Variants in CHIC1 observed in about 807,000 individuals in gnomAD.
The protein encoded by CHIC1 is cysteine-rich hydrophobic domain-containing protein 1.
Under a neutral mutation model 18.5 loss-of-function variants are expected in CHIC1, and 7 were observed. That is an observed-to-expected ratio of 0.38 (90% CI 0.22 to 0.71). The LOEUF is 0.71. Among genes scored for constraint, CHIC1 ranks in the 30% least tolerant of loss-of-function variants. CHIC1 has a pLI of 0.49. For synonymous variants in CHIC1, 77 were observed against 73.5 expected (o/e 1.05, Z -0.25); for missense variants, 159 against 176.9 (o/e 0.90, Z 0.57).
intron 3 of CHIC1, among the ~76,000 whole-genome samples, chrX:73,625,275 C>T (rs1479041211): frequency 9.0e-6 from 1 of 111,174 alleles, no homozygotes; most frequent in Non-Finnish European, 1.9e-5. Flanking sequence ...CAAACTTGTC[C>T]CCTGATGGGC....
At chrX:73,652,118 AAAAC>A (rs1468597522) in intron 3 of CHIC1, among the ~76,000 whole-genome samples, 2 of 111,918 alleles carry the variant, frequency 1.8e-5, no homozygotes, top group African/African-American at 6.5e-5. Context: ...GAACCTGACA[AAAAC>A]AAGCAACAGG....
At chrX:73,651,899 G>A (rs1044447634) in intron 3 of CHIC1, among the ~76,000 whole-genome samples, 5 of 111,633 alleles carry the variant, frequency 4.5e-5, no homozygotes, top group South Asian at 3.8e-4. Flanking sequence ...TTTAAAGTTC[G>A]TATGGAACCA....
At chrX:73,585,640 G>T (rs1409955293) in intron 3 of CHIC1, among the ~76,000 whole-genome samples, 1 of 111,322 alleles carries the variant, frequency 9.0e-6, no homozygotes, top group Non-Finnish European at 1.9e-5. Flanking sequence ...GCCTCAGTAT[G>T]AAATAATCAT....
intron 3 of CHIC1, among the ~76,000 whole-genome samples, chrX:73,609,365 G>A (rs2057697614): frequency 9.3e-6 from 1 of 107,979 alleles, no homozygotes; most frequent in Non-Finnish European, 1.9e-5. Context: ...TTATCATGTT[G>A]AGTAAGTTTC....
intron 3 of CHIC1, among the ~76,000 whole-genome samples, chrX:73,595,566 G>T (rs1046505680): frequency 2.7e-5 from 3 of 111,336 alleles, no homozygotes; most frequent in Non-Finnish European, 5.7e-5. Flanking sequence ...TCTTTATCCA[G>T]TCTAATATTG....
intron 3 of CHIC1, among the ~76,000 whole-genome samples, chrX:73,639,375 T>C (rs138688658): frequency 1.5e-3 from 165 of 112,070 alleles, no homozygotes; most frequent in African/African-American, 5.2e-3. Flanking sequence ...GTTGGTTTGT[T>C]TTTTCTTGGA....
chrX:73,576,404 G>C (rs1274947116), intron 1 of CHIC1, among the ~76,000 whole-genome samples: 3 of 109,902 alleles, frequency 2.7e-5, no homozygotes, highest in Non-Finnish European at 5.8e-5. Flanking sequence ...TGTTATGAAG[G>C]CTATGACTAT....
Position 73,657,225 on chromosome X carries a change from A to G in CHIC1, c.508-22101A>G, listed in dbSNP as rs769992471. ...CAGGTGCCCGCCACCATGCCCGGCT[A>G]CTTTTTTTTATTTTTTAGTAGAGAC... On this transcript the variant is annotated intron_variant, in intron 3 of 5. Coordinates refer to ENST00000373502, the MANE Select transcript of CHIC1 (RefSeq NM_001039840.4). Among the ~76,000 whole-genome samples, 4 of 109,198 alleles carry G rather than the reference A, an allele frequency of 3.7e-5. No homozygotes were observed. The East Asian group carries it at 8.7e-4, about 24-fold the overall frequency. The allele number at this position is 109,198 out of a possible 115,157, so 94.8% of individuals were successfully genotyped here.
intron 3 of CHIC1, among the ~76,000 whole-genome samples, chrX:73,655,522 T>TGG (rs2057942427): frequency 4.9e-5 from 4 of 81,485 alleles, no homozygotes; most frequent in Non-Finnish European, 9.3e-5. Flanking sequence ...ATACACAATA[T>TGG]TGTGTATATA....
chrX:73,601,068 G>A (rs1248116329), intron 3 of CHIC1, among the ~76,000 whole-genome samples: 1 of 106,764 alleles, frequency 9.4e-6, no homozygotes, highest in Non-Finnish European at 1.9e-5. Flanking sequence ...AGCAAGTCCT[G>A]AGTGACCTAC....
chrX:73,614,831 T>TA (rs1312218520), intron 3 of CHIC1, among the ~76,000 whole-genome samples: 4 of 111,138 alleles, frequency 3.6e-5, no homozygotes, highest in Non-Finnish European at 7.5e-5. Context: ...CGCTTTTTTT[T>TA]ATATCACTGT....
intron 3 of CHIC1, among the ~76,000 whole-genome samples, chrX:73,661,386 A>G (rs1387319838): frequency 8.9e-6 from 1 of 112,111 alleles, no homozygotes; most frequent in Non-Finnish European, 1.9e-5. Flanking sequence ...GAAGGAGGGG[A>G]CATGCCTGTG....
intron 3 of CHIC1, among the ~76,000 whole-genome samples, chrX:73,605,990 G>A (rs2057681574): frequency 9.3e-6 from 1 of 107,780 alleles, no homozygotes; most frequent in Non-Finnish European, 1.9e-5. Flanking sequence ...CTCTTCTCGA[G>A]GTGTATCTTT....
intron 3 of CHIC1, among the ~76,000 whole-genome samples, chrX:73,599,485 A>C (rs1431818594): frequency 1.0e-5 from 1 of 99,916 alleles, no homozygotes; most frequent in African/African-American, 4.2e-5. Context: ...TTAAGTCTTT[A>C]ATCCATCTTG....
chrX:73,568,424 T>A (rs776725450), intron 1 of CHIC1, among the ~76,000 whole-genome samples: 2 of 111,685 alleles, frequency 1.8e-5, no homozygotes, highest in East Asian at 5.6e-4. Flanking sequence ...TTCCAAATTT[T>A]AAAAAATATG....
rs1401230420 is a variant in CHIC1, at chrX:73,600,908, T to A, written c.507+16336T>A. Among the ~76,000 whole-genome samples the A allele has an allele frequency of 4.7e-5, 5 of 106,966 alleles. 1 individual carries two copies. The highest frequency in any genetic ancestry group is 1.8e-4 in the African/African-American group (5 of 27,402). The allele number at this position is 106,966 out of a possible 115,157, so 92.9% of individuals were successfully genotyped here. ...ACAAAAAAAAAGGCAGGGGTTGCAA[T>A]CCTAGTCTCTGATAAAACAGACTTT... is the stretch of plus-strand genomic sequence containing the variant. On this transcript the variant is annotated intron_variant, in intron 3 of 5. Coordinates refer to ENST00000373502, the MANE Select transcript of CHIC1 (RefSeq NM_001039840.4).
At chrX:73,596,400 A>G (rs1224447471) in intron 3 of CHIC1, among the ~76,000 whole-genome samples, 1 of 111,877 alleles carries the variant, frequency 8.9e-6, no homozygotes, top group Non-Finnish European at 1.9e-5. Context: ...ATGGAAAAAC[A>G]TTCCATGATC....
intron 3 of CHIC1, among the ~76,000 whole-genome samples, chrX:73,641,773 GT>G (rs1225367001): frequency 1.8e-5 from 2 of 109,807 alleles, no homozygotes; most frequent in Non-Finnish European, 3.8e-5. Context: ...GTGGTGTTTG[GT>G]TTTTTGTTCT....
At chrX:73,629,146 C>A (rs2057796528) in intron 3 of CHIC1, among the ~76,000 whole-genome samples, 1 of 111,040 alleles carries the variant, frequency 9.0e-6, no homozygotes, top group African/African-American at 3.3e-5. Flanking sequence ...ATTTTTTAAT[C>A]AGGATTTTTT....
Sources: allele counts gnomAD v4.1 joint callset (sites outside exome capture counted in the v4.1 genomes callset), GRCh38; gene constraint gnomAD v4.1.1; transcripts MANE v1.5; gene names NCBI Gene and HGNC (gene_info 2026-07-23, HGNC 2026-07-21).